Variants in PUM3 observed in about 807,000 individuals in gnomAD.
PUM3 encodes pumilio homolog 3.
In PUM3, 91 loss-of-function variants were observed where a neutral mutation model predicts 84.0. That is an observed-to-expected ratio of 1.08 (90% CI 0.91 to 1.29). The LOEUF (loss-of-function observed/expected upper bound fraction) is 1.29, where lower values mean the gene tolerates loss of function less well. PUM3 is among the 50% of genes most tolerant of loss of function. PUM3 has a pLI of 0.00. For synonymous variants in PUM3, 321 were observed against 266.7 expected (o/e 1.20, Z -1.98); for missense variants, 1,067 against 767.5 (o/e 1.39, Z -4.61).
At chr9:2,817,479 C>T (rs1011004539) in intron 13 of PUM3, among the ~76,000 whole-genome samples, 8 of 152,246 alleles carry the variant, frequency 5.3e-5, no homozygotes, top group South Asian at 2.1e-4. Context: ...TATAAAAAGG[C>T]TTGCTGACCC....
intron 12 of PUM3, among the ~76,000 whole-genome samples, chr9:2,821,309 T>C (rs984009023): frequency 6.6e-6 from 1 of 151,560 alleles, no homozygotes; most frequent in Non-Finnish European, 1.5e-5. Context: ...CTGGGCATGG[T>C]GGTGGGCGCC....
chr9:2,824,704 C>T lies in PUM3; in HGVS notation c.1134+13G>A. The T allele has an allele frequency of 1.3e-6, 2 of 1,498,864 alleles. No individual in the cohort carries two copies. The highest frequency in any genetic ancestry group is 9.0e-7 in the Non-Finnish European group (1 of 1,105,106). The allele number at this position is 1,498,864 out of a possible 1,614,324, so 92.8% of individuals were successfully genotyped here. On this transcript the variant is annotated intron_variant, in intron 11 of 17. Coordinates refer to ENST00000397885, the MANE Select transcript of PUM3 (RefSeq NM_014878.5). ...CTTGTACAGTTTAAATGCCCAAGTG[C>T]TGTCACACTTACCTTGGGCGTGCCA...
intron 13 of PUM3, among the ~76,000 whole-genome samples, chr9:2,818,831 G>C (rs1821527023): frequency 6.6e-6 from 1 of 152,110 alleles, no homozygotes; most frequent in African/African-American, 2.4e-5. Flanking sequence ...ACCTACGGCT[G>C]GCATCTAAGA....
rs747292953 is a variant in PUM3, at chr9:2,828,771, T to A, written c.860A>T (p.Asp287Val). Residue 287 changes from aspartate to valine, a missense_variant, in exon 9 of 18, where the codon GAT becomes GTT. Asp to Val is a radical substitution (Grantham distance 152). Coordinates refer to ENST00000397885, the MANE Select transcript of PUM3 (RefSeq NM_014878.5). ...TAACACTTTGTCCAGAGTTCGGTGA[T>A]CTGCTGACTGCAACAAAACAAAACA... ...GNTFQLYKSA[D>V]HRTLDKVLEV... is the part of the protein sequence containing the mutation. The A allele has an allele frequency of 1.9e-6, 3 of 1,560,728 alleles. No individual in the cohort carries two copies. The highest frequency in any genetic ancestry group is 2.7e-5 in the African/African-American group (2 of 73,632).
rs1815842541 is a variant in PUM3, at chr9:2,827,100, A to T, written c.1008T>A (p.Phe336Leu). The T allele has an allele frequency of 1.2e-6, 2 of 1,610,014 alleles. No homozygotes were observed. Among genetic ancestry groups the T allele is most frequent in the African/African-American group, 2.7e-5 (2 of 74,750 alleles). Reference protein sequence around the residue: ...SLVHKVFLDFFTYAPPKLRSE... With the variant: ...SLVHKVFLDFLTYAPPKLRSE... ...ATCTGAGTTTGGGGGGTGCATAGGT[A>T]AAAAAGTCCAAGAATACTTTATGCA... The change falls in exon 10 of 18, where the codon TTT becomes TTA. Residue 336 changes from phenylalanine to leucine, a missense_variant. Phe to Leu is a conservative substitution (Grantham distance 22). Transcript: ENST00000397885.
At chr9:2,805,278 C>T (rs1029738479) in intron 17 of PUM3, among the ~76,000 whole-genome samples, 3 of 152,072 alleles carry the variant, frequency 2.0e-5, no homozygotes, top group African/African-American at 7.2e-5. Context: ...AAACCCTGCC[C>T]GAGTACTCTA....
Position 2,815,496 on chromosome 9 carries a change from T to A in PUM3, c.1270-3134A>T, listed in dbSNP as rs79610705. On this transcript the variant is annotated intron_variant, in intron 13 of 17. Coordinates refer to ENST00000397885, the MANE Select transcript of PUM3 (RefSeq NM_014878.5). Reference sequence around the variant, plus strand: ...TTTGTGCAGAATTTAATCTCCGGGGTCTTAAGTTCAAGCTGTGTAGCCTTT... The same window carrying A: ...TTTGTGCAGAATTTAATCTCCGGGGACTTAAGTTCAAGCTGTGTAGCCTTT... Among the ~76,000 whole-genome samples, 821 of 152,228 alleles carry A rather than the reference T, an allele frequency of 5.4e-3. 27 individuals carry two copies. Among genetic ancestry groups the A allele is most frequent in the Admixed American group, 0.05 (759 of 15,288 alleles).
chr9:2,843,700 T>A (rs1392466296), intron 1 of PUM3, among the ~76,000 whole-genome samples: 1 of 147,504 alleles, frequency 6.8e-6, no homozygotes, highest in Non-Finnish European at 1.5e-5. Flanking sequence ...TGCCTCAGCC[T>A]CCCAAGTAGC....
intron 1 of PUM3, among the ~76,000 whole-genome samples, chr9:2,843,495 G>A (rs997420801): frequency 6.6e-6 from 1 of 152,116 alleles, no homozygotes; most frequent in East Asian, 1.9e-4. Context: ...CACGGGCTGG[G>A]ATTCCGGAGT....
intron 13 of PUM3, among the ~76,000 whole-genome samples, chr9:2,819,567 G>A (rs1821543221): frequency 6.6e-6 from 1 of 152,166 alleles, no homozygotes; most frequent in African/African-American, 2.4e-5. Context: ...GATTAACTGG[G>A]TAACTGTGCA....
At chr9:2,840,715 T>C (rs1016006661) in intron 1 of PUM3, among the ~76,000 whole-genome samples, 2 of 152,238 alleles carry the variant, frequency 1.3e-5, no homozygotes, top group African/African-American at 2.4e-5. Context: ...TGCTTCTGTG[T>C]CCTTTTGACG....
At chr9:2,813,447 T>C (rs1170184440) in intron 13 of PUM3, among the ~76,000 whole-genome samples, 5 of 152,056 alleles carry the variant, frequency 3.3e-5, no homozygotes, top group Admixed American at 3.3e-4. Context: ...TCGGAAAGAG[T>C]TCTGTCCAAC....
Position 2,829,915 on chromosome 9 carries a change from A to C in PUM3, c.711T>G (p.Ser237Arg). The part of the protein sequence containing the change: ...SKPQIAEIIR[S>R]FKGHVRKMLR... ...GCATCTTCCTCACGTGGCCTTTAAA[A>C]CTTCTGATTATCTCTGCAATCTGTG... Residue 237 changes from serine to arginine, a missense_variant, in exon 8 of 18, where the codon AGT becomes AGG. By Grantham distance (110) the Ser-to-Arg change is moderately radical. Transcript: ENST00000397885. 1 of 1,613,608 alleles carries C rather than the reference A, an allele frequency of 6.2e-7. No homozygotes were observed. The highest frequency in any genetic ancestry group is 8.5e-7 in the Non-Finnish European group (1 of 1,179,608).
At chr9:2,829,644 G>C (rs1563832873) in intron 8 of PUM3, 130 bp downstream of exon 8, 1 of 723,002 alleles carries the variant, frequency 1.4e-6, no homozygotes, top group Non-Finnish European at 2.3e-6. Context: ...GGAAAATCAA[G>C]GGCATAAGAT....
chr9:2,816,114 GCTGAAGA>G (rs147812047), intron 13 of PUM3, among the ~76,000 whole-genome samples: 3,245 of 152,294 alleles, frequency 0.021, 145 homozygotes, highest in African/African-American at 0.074. Context: ...CATCCATGGT[GCTGAAGA>G]CTGAGCCTGT....
In PUM3 at chr9:2,834,225, T is replaced by C. The variant is rs1816062004; in HGVS notation, c.305-59A>G. 10 of 1,473,110 alleles carry C rather than the reference T, an allele frequency of 6.8e-6. No individual in the cohort carries two copies. The East Asian group carries it at 1.1e-4, about 17-fold the overall frequency. The allele number at this position is 1,473,110 out of a possible 1,614,324, so 91.3% of individuals were successfully genotyped here. A position where few individuals can be genotyped will look rare whatever the true frequency, so the allele number is the denominator to read the frequency against. On this transcript the variant is annotated intron_variant, in intron 3 of 17. Coordinates refer to ENST00000397885, the MANE Select transcript of PUM3 (RefSeq NM_014878.5). ...TAACATTCTAAGTGTCATACACCAATACAAATTAGGTAAAAAGGGCAATCA... is the reference window on the plus strand; with the variant it reads ...TAACATTCTAAGTGTCATACACCAACACAAATTAGGTAAAAAGGGCAATCA...
chr9:2,828,462 G>A lies in PUM3; in HGVS notation c.956+213C>T, dbSNP rs562080994. 4.5e-5 allele frequency: 21 copies of A among 465,218 alleles called. No homozygotes were observed. The East Asian group carries it at 7.9e-4, about 18-fold the overall frequency. 28.8% of individuals were successfully genotyped at this position (465,218 alleles called of 1,614,324 possible). ...TTAAAAAAGCTCATAAATCACGAAT[G>A]CATGTTAGTTATCATTTTATAGGGT... is the stretch of plus-strand genomic sequence containing the variant. On this transcript the variant is annotated intron_variant, in intron 9 of 17. Coordinates refer to ENST00000397885, the MANE Select transcript of PUM3 (RefSeq NM_014878.5).
intron 3 of PUM3, among the ~76,000 whole-genome samples, chr9:2,836,677 G>T (rs1816129856): frequency 6.6e-6 from 1 of 152,120 alleles, no homozygotes; most frequent in Non-Finnish European, 1.5e-5. Flanking sequence ...TGAAGGCAGG[G>T]TCTCTATGTT....
rs978828536 is a variant in PUM3 at position 2,804,256 on chromosome 9, C to A, written c.*75G>T. 1 of 1,465,738 alleles carries A rather than the reference C, an allele frequency of 6.8e-7. No individual in the cohort carries two copies. The highest frequency in any genetic ancestry group is 1.3e-5 in the South Asian group (1 of 77,800). 90.8% of individuals were successfully genotyped at this position (1,465,738 alleles called of 1,614,324 possible). On this transcript the variant is annotated 3_prime_UTR_variant, in exon 18 of 18. Transcript: ENST00000397885. ...CCAATTACCAGTATGGTGGACCCTA[C>A]CCCTTCTTTTCTGCATTGGGAAACA...
Sources: gnomAD v4.1 joint callset for allele counts (sites outside exome capture counted in the v4.1 genomes callset) on GRCh38, gnomAD v4.1.1 for gene constraint, MANE v1.5 for transcripts, NCBI Gene and HGNC (gene_info 2026-07-23, HGNC 2026-07-21) for gene names.